The following BMAL1 variants were observed in gnomAD, a reference collection of about 807,000 sequenced individuals.
BMAL1 encodes the protein basic helix-loop-helix ARNT-like protein 1.
the BMAL1 span, among the ~76,000 whole-genome samples, chr11:13,324,221 A>T: frequency 5.3e-5 from 8 of 152,290 alleles, no homozygotes; most frequent in South Asian, 1.7e-3. Flanking sequence ...TTTAAAAAGC[A>T]AATTTGTGTC....
chr11:13,386,837 A>AT, the BMAL1 span: 22 of 1,515,420 alleles, frequency 1.5e-5, no homozygotes, highest in Non-Finnish European at 2.0e-5. Context: ...AGCTTACTGG[A>AT]TAAGGAGAGA....
the BMAL1 span, among the ~76,000 whole-genome samples, chr11:13,338,129 A>C: frequency 6.6e-6 from 1 of 152,152 alleles, no homozygotes; most frequent in African/African-American, 2.4e-5. Flanking sequence ...CCACAGACAC[A>C]TGATACTCAC....
chr11:13,277,639 C>T, the BMAL1 span: 2 of 128,678 alleles, frequency 1.6e-5, no homozygotes. Flanking sequence ...CGGCTCCCTT[C>T]GGGCGTTCGG....
the BMAL1 span, chr11:13,353,316 A>G: frequency 2.5e-5 from 4 of 156,886 alleles, no homozygotes; most frequent in African/African-American, 9.6e-5. Context: ...TCACCACTCC[A>G]TGTGCGTCCC....
chr11:13,357,068 G>C, the BMAL1 span: 2 of 1,614,208 alleles, frequency 1.2e-6, no homozygotes, highest in Non-Finnish European at 1.7e-6. The surrounding 1 kb of genome is among the most constrained non-coding windows in gnomAD (Gnocchi z 4.8). Flanking sequence ...AGAATATACA[G>C]AACACCAAGG....
the BMAL1 span, chr11:13,356,886 G>GC: frequency 1.9e-6 from 3 of 1,597,302 alleles, no homozygotes; most frequent in Non-Finnish European, 2.6e-6. Context: ...CTGGAGATGA[G>GC]CAAGGAGGCC....
chr11:13,301,406 G>T, the BMAL1 span, among the ~76,000 whole-genome samples: 1 of 152,364 alleles, frequency 6.6e-6, no homozygotes, highest in Non-Finnish European at 1.5e-5. Context: ...CTCATGACCA[G>T]GGAGTGGGAA....
the BMAL1 span, among the ~76,000 whole-genome samples, chr11:13,278,528 G>T: frequency 2.7e-4 from 41 of 152,286 alleles, no homozygotes; most frequent in East Asian, 1.9e-4. Flanking sequence ...GTCGGGCTTG[G>T]GGAGTCCAAG....
the BMAL1 span, among the ~76,000 whole-genome samples, chr11:13,299,200 T>A: frequency 6.3e-3 from 963 of 152,194 alleles, 11 homozygotes; most frequent in African/African-American, 0.022. Context: ...TAGAGCAAAT[T>A]TTGGAGAGAG....
the BMAL1 span, among the ~76,000 whole-genome samples, chr11:13,325,886 G>A: frequency 6.6e-6 from 1 of 151,666 alleles, no homozygotes; most frequent in East Asian, 1.9e-4. Flanking sequence ...TACTAGTCAA[G>A]TGCAGTAGTG....
At chr11:13,319,951 G>A in the BMAL1 span, among the ~76,000 whole-genome samples, 2 of 152,202 alleles carry the variant, frequency 1.3e-5, no homozygotes, top group Non-Finnish European at 2.9e-5. Flanking sequence ...ACACCCCATG[G>A]CTGTTTCCTT....
At chr11:13,331,094 A>G in the BMAL1 span, among the ~76,000 whole-genome samples, 1 of 152,206 alleles carries the variant, frequency 6.6e-6, no homozygotes, top group Non-Finnish European at 1.5e-5. Flanking sequence ...TTCTCTTGAC[A>G]GTGCCCTGCT....
At chr11:13,377,769 G>T in the BMAL1 span, among the ~76,000 whole-genome samples, 2 of 152,212 alleles carry the variant, frequency 1.3e-5, no homozygotes, top group Non-Finnish European at 2.9e-5. Context: ...TTCCTTGGAG[G>T]AGTCTCCCAA....
At chr11:13,282,058 G>A in the BMAL1 span, among the ~76,000 whole-genome samples, 2 of 152,216 alleles carry the variant, frequency 1.3e-5, no homozygotes, top group African/African-American at 4.8e-5. Context: ...TTGTGGTCTC[G>A]GAGTTACAGG....
chr11:13,296,421 T>C, the BMAL1 span, among the ~76,000 whole-genome samples: 1 of 152,212 alleles, frequency 6.6e-6, no homozygotes, highest in Non-Finnish European at 1.5e-5. Flanking sequence ...CAGACCGATT[T>C]TAACCAGAGA....
At chr11:13,358,763 A>C in the BMAL1 span, among the ~76,000 whole-genome samples, 13 of 152,160 alleles carry the variant, frequency 8.5e-5, no homozygotes, top group Non-Finnish European at 1.9e-4. Context: ...GTGATTATTG[A>C]GCTTATGTGG....
chr11:13,364,323 C>T, the BMAL1 span, among the ~76,000 whole-genome samples: 1 of 152,218 alleles, frequency 6.6e-6, no homozygotes, highest in African/African-American at 2.4e-5. Flanking sequence ...TCTTAAGCAA[C>T]AGTGATTCTG....
the BMAL1 span, among the ~76,000 whole-genome samples, chr11:13,337,258 T>C: frequency 6.6e-6 from 1 of 152,238 alleles, no homozygotes; most frequent in Middle Eastern, 3.2e-3. Context: ...GGAGATGTCT[T>C]AATATTCTGG....
At chr11:13,378,598 C>A in the BMAL1 span, 3 of 985,260 alleles carry the variant, frequency 3.0e-6, no homozygotes, top group Admixed American at 2.8e-5. Flanking sequence ...GGATAGAGAC[C>A]AGGGATGCTG....
Sources: allele counts gnomAD v4.1 joint callset (sites outside exome capture counted in the v4.1 genomes callset), GRCh38; gene constraint gnomAD v4.1.1; non-coding constraint Gnocchi (gnomAD v3.1); transcripts MANE v1.5; gene names NCBI Gene and HGNC (gene_info 2026-07-23, HGNC 2026-07-21).